SH3PXD2B: variants seen among roughly 807,000 people sequenced by gnomAD.
SH3PXD2B encodes SH3 and PX domains 2B, also known as SH3 and PX domain-containing protein 2B.
In SH3PXD2B, 37 loss-of-function variants were observed where a neutral mutation model predicts 73.1. The observed-to-expected ratio is 0.51, with a 90% CI of 0.39 to 0.67. The LOEUF (loss-of-function observed/expected upper bound fraction) is 0.67, where lower values mean the gene tolerates loss of function less well. Among genes scored for constraint, SH3PXD2B ranks in the 30% least tolerant of loss-of-function variants. SH3PXD2B has a pLI of 0.00. For missense variants in SH3PXD2B, 1,053 were observed against 1,197.8 expected (o/e 0.88, Z 1.78); for synonymous variants, 457 against 480.5 (o/e 0.95, Z 0.64).
intron 1 of SH3PXD2B, among the ~76,000 whole-genome samples, chr5:172,433,823 G>C (rs1759307776): frequency 6.6e-6 from 1 of 152,202 alleles, no homozygotes; most frequent in Non-Finnish European, 1.5e-5. Context: ...CTCTAGAAAG[G>C]AATCCATGTT....
chr5:172,401,770 T>A (rs542975634), intron 3 of SH3PXD2B, among the ~76,000 whole-genome samples: 6 of 152,324 alleles, frequency 3.9e-5, no homozygotes, highest in African/African-American at 1.4e-4. Flanking sequence ...GAACAACAAA[T>A]GTCCATGAAG....
chr5:172,439,409 C>T (rs1351876026), intron 1 of SH3PXD2B, among the ~76,000 whole-genome samples: 2 of 152,146 alleles, frequency 1.3e-5, no homozygotes, highest in East Asian at 3.9e-4. Flanking sequence ...TCCATTTCTT[C>T]ACACCTGGAA....
Position 172,362,787 on chromosome 5 carries a change from C to A in SH3PXD2B, c.510G>T (p.Glu170Asp), listed in dbSNP as rs367642322. The A allele has an allele frequency of 6.2e-7, 1 of 1,614,038 alleles. No individual in the cohort carries two copies. The highest frequency in any genetic ancestry group is 8.5e-7 in the Non-Finnish European group (1 of 1,180,036). The change falls in exon 7 of 13, where the codon GAG (glutamate) becomes GAT (aspartate). Residue 170 changes from glutamate (E) to aspartate (D), a missense_variant. Physicochemically the swap from Glu to Asp is conservative, Grantham distance 45. Around this residue, in one of 2 missense-constraint regions of SH3PXD2B, gnomAD observed 466 missense variants for 607.1 expected, o/e 0.77. Coordinates refer to ENST00000311601, the MANE Select transcript of SH3PXD2B (RefSeq NM_001017995.3). ...VANYQKQESS[E>D]ISLSVGQVVD... ...CCACCTGCCCCACGCTGAGGCTGATCTCCGAACTCTCCTGCTTCTGGTAGT... is the reference window on the plus strand; with the variant it reads ...CCACCTGCCCCACGCTGAGGCTGATATCCGAACTCTCCTGCTTCTGGTAGT...
rs776085825 is a variant in SH3PXD2B at position 172,454,361 on chromosome 5, C to T, written c.-9G>A. The T allele has an allele frequency of 4.0e-6, 6 of 1,494,224 alleles. No homozygotes were observed. Among genetic ancestry groups the T allele is most frequent in the Admixed American group, 4.1e-5 (2 of 48,324 alleles). The allele number at this position is 1,494,224 out of a possible 1,614,324, so 92.6% of individuals were successfully genotyped here. ...CTGCGCCGCGGCGGCATGGCCGCTC[C>T]TCCGCCCGCAGCGGGCCGAGCGCGG... On this transcript the variant is annotated 5_prime_UTR_variant, in exon 1 of 13. Transcript: ENST00000311601.
In SH3PXD2B at chr5:172,376,050, G is replaced by GTT. The variant is rs1757815354; in HGVS notation, c.402-2236_402-2235insAA. Among the ~76,000 whole-genome samples, 7 of 134,998 alleles carry GTT rather than the reference G, an allele frequency of 5.2e-5. No individual in the cohort carries two copies. In the Admixed American group the frequency reaches 5.4e-4, roughly 10 times the overall value. 88.6% of individuals were successfully genotyped at this position (134,998 alleles called of 152,430 possible). On this transcript the variant is annotated intron_variant, in intron 5 of 12. Transcript: ENST00000311601. ...ATCTTCTTTTTTTTTTTTTTTTTGA[G>GTT]GTGGAGTCTCACTCTGTTGCGCAGG...
At chr5:172,344,117 TATC>T (rs1327858944) in intron 12 of SH3PXD2B, among the ~76,000 whole-genome samples, 11 of 150,482 alleles carry the variant, frequency 7.3e-5, no homozygotes, top group Non-Finnish European at 1.5e-4. Context: ...TCATCATCAT[TATC>T]ATAACACATC....
intron 2 of SH3PXD2B, among the ~76,000 whole-genome samples, chr5:172,406,571 A>G (rs1231621997): frequency 6.6e-6 from 1 of 152,184 alleles, no homozygotes; most frequent in Admixed American, 6.5e-5. Flanking sequence ...AGATTTGTGA[A>G]GGTTCAGAGT....
chr5:172,374,093 C>T (rs939947531), intron 5 of SH3PXD2B, among the ~76,000 whole-genome samples: 1 of 152,198 alleles, frequency 6.6e-6, no homozygotes, highest in Non-Finnish European at 1.5e-5. Flanking sequence ...AAGGGGATTG[C>T]AGTTTGAAAA....
At chr5:172,404,386 T>G (rs1166742297) in intron 3 of SH3PXD2B, among the ~76,000 whole-genome samples, 1 of 152,026 alleles carries the variant, frequency 6.6e-6, no homozygotes, top group Non-Finnish European at 1.5e-5. Context: ...CACTGCAACC[T>G]CCACTGCCCG....
At chr5:172,329,081 A>ATTTTTTTTTTT (rs67185423), downstream of SH3PXD2B, among the ~76,000 whole-genome samples, 1 of 68,218 alleles carries the variant, frequency 1.5e-5, no homozygotes, top group Non-Finnish European at 2.7e-5. Context: ...ATATATATAT[A>ATTTTTTTTTTT]TATTTTTTTT....
chr5:172,342,761 G>GA (rs113428401), intron 12 of SH3PXD2B, among the ~76,000 whole-genome samples: 228 of 146,056 alleles, frequency 1.6e-3, no homozygotes, highest in Admixed American at 4.2e-3. Context: ...ACTCTGTCTC[G>GA]AAAAAAAAAA....
chr5:172,436,445 A>G (rs1759388921), intron 1 of SH3PXD2B, among the ~76,000 whole-genome samples: 1 of 152,206 alleles, frequency 6.6e-6, no homozygotes, highest in African/African-American at 2.4e-5. Flanking sequence ...GGCAGACAAC[A>G]AAGGGTTCCA....
chr5:172,392,946 C>G (rs1309277270), intron 4 of SH3PXD2B, among the ~76,000 whole-genome samples: 1 of 152,188 alleles, frequency 6.6e-6, no homozygotes, highest in Non-Finnish European at 1.5e-5. Context: ...TTTGTCAGTA[C>G]CATACTATCC....
At chr5:172,398,138 G>A (rs1758346907) in intron 3 of SH3PXD2B, among the ~76,000 whole-genome samples, 1 of 152,238 alleles carries the variant, frequency 6.6e-6, no homozygotes, top group Non-Finnish European at 1.5e-5. Flanking sequence ...AAGAAATCAG[G>A]CAAGTGGCGG....
chr5:172,439,295 C>CAAAA (rs946794676), intron 1 of SH3PXD2B, among the ~76,000 whole-genome samples: 3 of 126,218 alleles, frequency 2.4e-5, no homozygotes, highest in African/African-American at 1.0e-4. Flanking sequence ...AAAAAAACCC[C>CAAAA]AAAAAAAAAC....
chr5:172,336,696 G>A lies in SH3PXD2B; in HGVS notation c.*1673C>T, dbSNP rs1756702619. ...GGAGATCTCTGGGGCAGGGCAGGGT[G>A]GGGAGGGGCGGGGCAGGGCAGGGCA... On this transcript the variant is annotated 3_prime_UTR_variant, in exon 13 of 13. Coordinates refer to ENST00000311601, the MANE Select transcript of SH3PXD2B (RefSeq NM_001017995.3). 1.0e-6 allele frequency: 1 copy of A among 984,576 alleles called. No homozygotes were observed. Among genetic ancestry groups the A allele is most frequent in the African/African-American group, 1.7e-5 (1 of 57,196 alleles). 61.0% of individuals were successfully genotyped at this position (984,576 alleles called of 1,614,324 possible).
rs1756666311 is a variant in SH3PXD2B at position 172,335,464 on chromosome 5, C to G, written c.*2905G>C. ...CCAAACAAACCCAAACTCGAGATCT[C>G]AGTCCCAGCTTGGCCACTATTTGGA... On this transcript the variant is annotated 3_prime_UTR_variant, in exon 13 of 13. Coordinates refer to ENST00000311601, the MANE Select transcript of SH3PXD2B (RefSeq NM_001017995.3). The G allele has an allele frequency of 8.1e-7, 1 of 1,230,782 alleles. No homozygotes were observed. Among genetic ancestry groups the G allele is most frequent in the Non-Finnish European group, 1.0e-6 (1 of 987,720 alleles). 76.2% of individuals were successfully genotyped at this position (1,230,782 alleles called of 1,614,324 possible).
At chr5:172,368,710 T>TTATA (rs564514417) in intron 6 of SH3PXD2B, among the ~76,000 whole-genome samples, 1 of 83,068 alleles carries the variant, frequency 1.2e-5, no homozygotes. Context: ...TATATATATA[T>TTATA]TATATATATA....
At chr5:172,363,558 T>C (rs1757442174) in intron 6 of SH3PXD2B, among the ~76,000 whole-genome samples, 1 of 152,104 alleles carries the variant, frequency 6.6e-6, no homozygotes, top group Admixed American at 6.5e-5. Context: ...CAATGCTACA[T>C]TTAACGGGGT....
Sources: gnomAD v4.1 joint callset for allele counts (sites outside exome capture counted in the v4.1 genomes callset) on GRCh38, gnomAD v4.1.1 for gene constraint, gnomAD v4.1.1 regional missense constraint, MANE v1.5 for transcripts, NCBI Gene and HGNC (gene_info 2026-07-23, HGNC 2026-07-21) for gene names.